Variants in DMBT1 observed in about 807,000 individuals in gnomAD.
The protein encoded by DMBT1 is scavenger receptor cysteine-rich domain-containing protein DMBT1.
DMBT1 carries 198 observed loss-of-function variants against 252.9 expected under a neutral mutation model. The ratio of observed to expected loss-of-function variants is 0.78; its 90% CI spans 0.70 to 0.88. The LOEUF (loss-of-function observed/expected upper bound fraction) is 0.88. DMBT1 is among the 40% of genes least tolerant of loss of function. The probability of loss-of-function intolerance (pLI) is 0.00; values close to 1 mark genes in which losing one functional copy is unlikely to be tolerated. For missense variants in DMBT1, 2,432 were observed against 2,404.7 expected (o/e 1.01, Z -0.24); for synonymous variants, 990 against 942.7 (o/e 1.05, Z -0.92).
rs368241313 is a variant in DMBT1 at position 122,629,397 on chromosome 10, A to G, written c.5669-443A>G. ...CCTGCTCCTAACCCAACGTTGTGCT[A>G]CTTGTGAATTGGCAGAGTCCTGTGC... On this transcript the variant is annotated intron_variant, in intron 46 of 55. Transcript: ENST00000338354. Among the ~76,000 whole-genome samples the G allele has an allele frequency of 9.2e-5, 14 of 152,274 alleles. No individual in the cohort carries two copies. In the South Asian group the frequency reaches 1.9e-3, roughly 20 times the overall value.
intron 20 of DMBT1, 63 bp from the exon 21 acceptor site, chr10:122,593,506 G>T (rs371277877): frequency 2.1e-5 from 32 of 1,526,514 alleles, no homozygotes; most frequent in Middle Eastern, 1.7e-4. Context: ...TTCCCTCCTC[G>T]TTCCAGTTTT....
chr10:122,575,172 T>G (rs1213336150), intron 6 of DMBT1, among the ~76,000 whole-genome samples: 1 of 152,214 alleles, frequency 6.6e-6, no homozygotes, highest in Non-Finnish European at 1.5e-5. Flanking sequence ...CCATCTCCAC[T>G]GCTGTTCAAT....
intron 1 of DMBT1, among the ~76,000 whole-genome samples, chr10:122,561,684 C>CT: frequency 6.6e-6 from 1 of 151,340 alleles, no homozygotes; most frequent in East Asian, 2.0e-4. Context: ...CTCTCTGTAT[C>CT]TTTCTCTTTT....
chr10:122,589,571 T>C (rs2097828236), intron 17 of DMBT1, among the ~76,000 whole-genome samples: 2 of 148,050 alleles, frequency 1.4e-5, no homozygotes, highest in Admixed American at 6.7e-5. Flanking sequence ...TGGAAAGGAA[T>C]GGCTGGGGTC....
At chr10:122,629,788 C>G in intron 46 of DMBT1, 52 bp from the exon 47 acceptor site, 1 of 1,587,358 alleles carries the variant, frequency 6.3e-7, no homozygotes, top group Non-Finnish European at 8.6e-7. Flanking sequence ...TTCCTTGTCA[C>G]AAAATACCTG....
intron 42 of DMBT1, 142 bp downstream of exon 42, chr10:122,619,479 C>T: frequency 9.1e-7 from 1 of 1,095,088 alleles, no homozygotes; most frequent in African/African-American, 1.6e-5. Flanking sequence ...GTAACTGAGA[C>T]CCCAGCATAG....
intron 1 of DMBT1, among the ~76,000 whole-genome samples, chr10:122,562,668 G>A (rs1403845898): frequency 6.6e-6 from 1 of 152,348 alleles, no homozygotes; most frequent in Non-Finnish European, 1.5e-5. Flanking sequence ...ACAACAGGCA[G>A]CAGTGCTCTT....
rs61622276 is a variant in DMBT1 at position 122,618,120 on chromosome 10, C to T, written c.4995C>T (p.Asp1665=). 0.011 allele frequency: 17,630 copies of T among 1,613,940 alleles called. 1,082 individuals are homozygous for T. The South Asian group carries it at 0.14, about 12-fold the overall frequency. Reference sequence around the variant, plus strand: ...GCTCCTGGGGCACCGTGTGTGATGACTACTGGGACACCAATGATGCCAACG... The same window carrying T: ...GCTCCTGGGGCACCGTGTGTGATGATTACTGGGACACCAATGATGCCAACG... ...YQGSWGTVCD[D]YWDTNDANVV... is the part of the protein sequence containing the mutation. The change falls in exon 41 of 56, where the codon GAC becomes GAT. Residue 1665 remains aspartate, a synonymous_variant. Transcript: ENST00000338354.
At chr10:122,621,700 G>T (rs1038395334) in intron 44 of DMBT1, among the ~76,000 whole-genome samples, 148 of 152,294 alleles carry the variant, frequency 9.7e-4, no homozygotes, top group African/African-American at 3.2e-3. Context: ...GTGAGGGTAT[G>T]GTGGACACAG....
At chr10:122,626,057 G>C in intron 46 of DMBT1, 92 bp downstream of exon 46, 3 of 1,053,468 alleles carry the variant, frequency 2.8e-6, no homozygotes, top group Non-Finnish European at 4.5e-6. Flanking sequence ...CCCCACCCCA[G>C]CCTTCCTCAA....
chr10:122,622,099 T>G (rs2133642344), intron 44 of DMBT1, among the ~76,000 whole-genome samples: 1 of 152,316 alleles, frequency 6.6e-6, no homozygotes, highest in East Asian at 1.9e-4. Flanking sequence ...GGGTTGGTTT[T>G]GGTTCAATTG....
intron 1 of DMBT1, among the ~76,000 whole-genome samples, chr10:122,563,767 C>T (rs1457694214): frequency 6.6e-6 from 1 of 152,130 alleles, no homozygotes; most frequent in Non-Finnish European, 1.5e-5. Context: ...ACAGCAGAAC[C>T]AGGAACAACT....
intron 26 of DMBT1, among the ~76,000 whole-genome samples, chr10:122,599,700 G>C (rs1003838631): frequency 1.3e-5 from 2 of 152,220 alleles, no homozygotes; most frequent in African/African-American, 4.8e-5. Flanking sequence ...GCCAGGCATG[G>C]CCTTGTCATT....
chr10:122,579,474 C>T, intron 9 of DMBT1, 104 bp from the exon 10 acceptor site: 4 of 1,584,338 alleles, frequency 2.5e-6, no homozygotes, highest in South Asian at 2.4e-5. Flanking sequence ...TGACTGCCTG[C>T]CTAGGTGACT....
intron 4 of DMBT1, 39 bp downstream of exon 4, chr10:122,570,976 C>A (rs758452518): frequency 1.3e-6 from 2 of 1,595,406 alleles, no homozygotes; most frequent in Admixed American, 1.7e-5. Context: ...GGCTCATTAC[C>A]CCACTGCACC....
intron 19 of DMBT1, 121 bp from the exon 20 acceptor site, chr10:122,592,151 T>C (rs1165759564): frequency 6.9e-7 from 1 of 1,445,372 alleles, no homozygotes; most frequent in East Asian, 2.4e-5. Context: ...TGCAGTCGTA[T>C]TCAATCGTGA....
intron 40 of DMBT1, 122 bp downstream of exon 40, chr10:122,617,382 G>C: frequency 1.6e-6 from 2 of 1,223,324 alleles, no homozygotes; most frequent in Non-Finnish European, 2.3e-6. Context: ...GGTTGGGTGG[G>C]AGGAAGGTGG....
rs373611718 is a variant in DMBT1, at chr10:122,640,175, A to G, written c.7078A>G (p.Ile2360Val). ...LQNTWVDTMY[I>V]ANDTIHVANN... is the part of the protein sequence containing the mutation. ...GAACACCTGGGTCGACACCATGTAC[A>G]TTGCTAATGACACCATCCACGTTGC... The change falls in exon 55 of 56, where the codon ATT (isoleucine) becomes GTT (valine). Residue 2360 changes from isoleucine to valine, a missense_variant. Physicochemically the swap from Ile to Val is conservative, Grantham distance 29. Around this residue, in one of 3 missense-constraint regions of DMBT1, gnomAD observed 1,162 missense variants for 1,169.0 expected, o/e 0.99. Transcript: ENST00000338354. 2.4e-5 allele frequency: 39 copies of G among 1,614,058 alleles called. No homozygotes were observed. Among genetic ancestry groups the G allele is most frequent in the Middle Eastern group, 1.6e-4 (1 of 6,062 alleles).
rs572489921 is a variant in DMBT1, at chr10:122,578,718, A to G, written c.638A>G (p.Glu213Gly). 6.2e-7 allele frequency: 1 copy of G among 1,608,488 alleles called. No homozygotes were observed. Among genetic ancestry groups the G allele is most frequent in the African/African-American group, 1.3e-5 (1 of 74,970 alleles). The change falls in exon 9 of 56, where the codon GAA becomes GGA. Residue 213 changes from glutamate (E) to glycine (G), a missense_variant and splice_region_variant. Coordinates refer to ENST00000338354, the MANE Select transcript of DMBT1 (RefSeq NM_001377530.1). ...AAQPQSTLRP[E>G]SWPVRISPPV... ...CCTTTCTCTTTGTTGCTGTTTACAG[A>G]AAGTTGGCCTGTCAGGATATCACCA...
Sources: allele counts gnomAD v4.1 joint callset (sites outside exome capture counted in the v4.1 genomes callset), GRCh38; gene constraint gnomAD v4.1.1; regional missense constraint gnomAD v4.1.1; transcripts MANE v1.5; gene names NCBI Gene and HGNC (gene_info 2026-07-23, HGNC 2026-07-21).